Variants in NAP1L1 observed in about 807,000 individuals in gnomAD.
NAP1L1 encodes the protein nucleosome assembly protein 1-like 1.
A neutral mutation model predicts 58.9 loss-of-function variants in NAP1L1; 9 were observed. The ratio of observed to expected loss-of-function variants is 0.15; its 90% confidence interval spans 0.09 to 0.27. NAP1L1 has a LOEUF of 0.27. NAP1L1 is among the 10% of genes least tolerant of loss of function. NAP1L1 has a pLI of 1.00. For synonymous variants in NAP1L1, 130 were observed against 138.3 expected (o/e 0.94, Z 0.42); for missense variants, 302 against 458.8 (o/e 0.66, Z 3.12).
At position 76,050,662 on chromosome 12, in the gene NAP1L1, A is replaced by C; in HGVS notation, c.937-9T>G. 6.3e-7 allele frequency: 1 copy of C among 1,592,296 alleles called. No individual in the cohort carries two copies. The highest frequency in any genetic ancestry group is 8.5e-7 in the Non-Finnish European group (1 of 1,174,028). The stretch of plus-strand genomic sequence containing the variant: ...GCTTCAGCATCATCATCCTATTTTT[A>C]AAGGAAAACAAAAGCAGAAAATTTA... On this transcript the variant is annotated splice_polypyrimidine_tract_variant and intron_variant, in intron 11 of 14. Coordinates refer to ENST00000618691, the MANE Select transcript of NAP1L1 (RefSeq NM_004537.7).
intron 7 of NAP1L1, 44 bp downstream of exon 7, chr12:76,055,989 G>A (rs1444771718): frequency 1.3e-6 from 2 of 1,599,330 alleles, no homozygotes; most frequent in Non-Finnish European, 1.7e-6. Flanking sequence ...AACTTCAAAG[G>A]TTTACCCTTC....
At chr12:76,063,793 T>G (rs1449837521) in intron 4 of NAP1L1, among the ~76,000 whole-genome samples, 1 of 141,192 alleles carries the variant, frequency 7.1e-6, no homozygotes, top group Admixed American at 7.5e-5. Flanking sequence ...AGACACTGTA[T>G]CCAAAAAATA....
chr12:76,073,004 C>T (rs1407630932), intron 2 of NAP1L1, among the ~76,000 whole-genome samples: 2 of 152,024 alleles, frequency 1.3e-5, no homozygotes, highest in Non-Finnish European at 2.9e-5. Context: ...TAAAATAGAT[C>T]CAATGACAGC....
intron 6 of NAP1L1, chr12:76,058,177 A>G (rs1321328555): frequency 1.8e-6 from 1 of 565,918 alleles, no homozygotes; most frequent in Non-Finnish European, 3.3e-6. Context: ...AGATATGGCC[A>G]AAGGGAGAGA....
chr12:76,070,713 T>TG (rs1490538878), intron 2 of NAP1L1, among the ~76,000 whole-genome samples: 49 of 150,576 alleles, frequency 3.3e-4, no homozygotes, highest in African/African-American at 1.1e-3. Flanking sequence ...TATGGTGGAC[T>TG]GGTTCCAGGA....
At chr12:76,075,255 T>A (rs772289465) in intron 1 of NAP1L1, among the ~76,000 whole-genome samples, 1 of 152,096 alleles carries the variant, frequency 6.6e-6, no homozygotes, top group African/African-American at 2.4e-5. Context: ...GACAGGAAGA[T>A]CTTTTGAGCA....
chr12:76,074,156 A>C, intron 2 of NAP1L1, 47 bp downstream of exon 2: 1 of 1,444,342 alleles, frequency 6.9e-7, no homozygotes, highest in Non-Finnish European at 9.7e-7. Context: ...AACAGAGTAC[A>C]AAGTGATGCC....
rs1871082542 is a variant in NAP1L1, at chr12:76,037,719, T to TC, written c.*10709_*10710insG. 1 of 152,228 alleles carries TC rather than the reference T, an allele frequency of 6.6e-6. No individual in the cohort carries two copies. The highest frequency in any genetic ancestry group is 1.5e-5 in the Non-Finnish European group (1 of 68,054). The allele number at this position is 152,228 out of a possible 1,614,324, so 9.4% of individuals were successfully genotyped here. Reference sequence around the variant, plus strand: ...CAAATCCTCTGTAAACCTTTCATTCTTCAAAGCCCTATTCAAATCCCAGAT... The same window carrying TC: ...CAAATCCTCTGTAAACCTTTCATTCTCTCAAAGCCCTATTCAAATCCCAGAT... On this transcript the variant is annotated 3_prime_UTR_variant, in exon 15 of 15. Transcript: ENST00000618691.
intron 3 of NAP1L1, chr12:76,068,685 GCAAA>G: frequency 2.4e-6 from 1 of 425,382 alleles, no homozygotes; most frequent in Non-Finnish European, 4.2e-6. Flanking sequence ...AGTGCAGGAT[GCAAA>G]CAATGACTTC....
At chr12:76,062,527 A>C (rs998767477) in intron 4 of NAP1L1, among the ~76,000 whole-genome samples, 1 of 152,234 alleles carries the variant, frequency 6.6e-6, no homozygotes, top group African/African-American at 2.4e-5. Context: ...AAGAATGTAA[A>C]TATACTTAGA....
intron 1 of NAP1L1, among the ~76,000 whole-genome samples, chr12:76,078,990 T>TACAC: frequency 6.8e-6 from 1 of 148,044 alleles, no homozygotes; most frequent in African/African-American, 2.6e-5. Flanking sequence ...TCCATATATA[T>TACAC]ATATACACAC....
rs1948546831 is a variant in NAP1L1 at position 76,041,075 on chromosome 12, T to C, written c.*7354A>G. ...ATGAAAGAGCTAACTGTATACACAA[T>C]CCAGCTTTGTTTCATTGGTTTTCTC... On this transcript the variant is annotated 3_prime_UTR_variant, in exon 15 of 15. Coordinates refer to ENST00000618691, the MANE Select transcript of NAP1L1 (RefSeq NM_004537.7). 6.6e-6 allele frequency: 1 copy of C among 152,174 alleles called. No homozygotes were observed. The highest frequency in any genetic ancestry group is 6.5e-5 in the Admixed American group (1 of 15,280). The allele number at this position is 152,174 out of a possible 1,614,324, so 9.4% of individuals were successfully genotyped here. A position where few individuals can be genotyped will look rare whatever the true frequency, so the allele number is the denominator to read the frequency against.
At chr12:76,053,395 C>CA (rs1210999863) in intron 9 of NAP1L1, 45 bp from the exon 10 acceptor site, 1 of 1,581,092 alleles carries the variant, frequency 6.3e-7, no homozygotes, top group African/African-American at 1.4e-5. Flanking sequence ...GACAATCTTT[C>CA]AACTGCTAAA....
In NAP1L1 at chr12:76,076,286, G is replaced by C. The variant is rs376200626; in HGVS notation, c.-20-2047C>G. Among the ~76,000 whole-genome samples the C allele has an allele frequency of 8.2e-4, 125 of 152,158 alleles. 1 individual carries two copies. In the South Asian group the frequency reaches 0.018, roughly 21 times the overall value. On this transcript the variant is annotated intron_variant, in intron 1 of 14. Coordinates refer to ENST00000618691, the MANE Select transcript of NAP1L1 (RefSeq NM_004537.7). Reference sequence around the variant, plus strand: ...TTTCTTTCCACCATAAGATGTCTCAGTCTGTAATTATAAATTAGTTTGACC... The same window carrying C: ...TTTCTTTCCACCATAAGATGTCTCACTCTGTAATTATAAATTAGTTTGACC...
At chr12:76,065,258 A>T (rs1949608112) in intron 4 of NAP1L1, among the ~76,000 whole-genome samples, 1 of 152,044 alleles carries the variant, frequency 6.6e-6, no homozygotes, top group African/African-American at 2.4e-5. Context: ...AAAAAAAACC[A>T]AAGGTCAGAT....
rs751901529 is a variant in NAP1L1, at chr12:76,042,669, T to C, written c.*5760A>G. 7 of 152,198 alleles carry C rather than the reference T, an allele frequency of 4.6e-5. No individual in the cohort carries two copies. The highest frequency in any genetic ancestry group is 1.0e-4 in the Non-Finnish European group (7 of 68,042). 9.4% of individuals were successfully genotyped at this position (152,198 alleles called of 1,614,324 possible). ...TTTGATTCAACTTCAAAGTATCCAC[T>C]GTGCGTTCAGTTTTTATGATACATG... On this transcript the variant is annotated 3_prime_UTR_variant, in exon 15 of 15. Transcript: ENST00000618691.
At chr12:76,054,188 C>T (rs777870587) in intron 8 of NAP1L1, among the ~76,000 whole-genome samples, 8 of 152,108 alleles carry the variant, frequency 5.3e-5, no homozygotes, top group Non-Finnish European at 1.0e-4. Context: ...TGCCACCACA[C>T]CCAGTTAATT....
At position 76,037,820 on chromosome 12, in the gene NAP1L1, C is replaced by T. The variant is rs1245763686; in HGVS notation, c.*10609G>A. 1 of 152,234 alleles carries T rather than the reference C, an allele frequency of 6.6e-6. No homozygotes were observed. The highest frequency in any genetic ancestry group is 1.5e-5 in the Non-Finnish European group (1 of 68,046). The allele number at this position is 152,234 out of a possible 1,614,324, so 9.4% of individuals were successfully genotyped here. ...AGTTATCCAATTTTCACGTCTACTTCACTAAATATCCAAGATCCTGGATGA... is the reference window on the plus strand; with the variant it reads ...AGTTATCCAATTTTCACGTCTACTTTACTAAATATCCAAGATCCTGGATGA... On this transcript the variant is annotated 3_prime_UTR_variant, in exon 15 of 15. Coordinates refer to ENST00000618691, the MANE Select transcript of NAP1L1 (RefSeq NM_004537.7).
rs1369288470 is a variant in NAP1L1, at chr12:76,040,348, G to C, written c.*8081C>G. 6.6e-6 allele frequency: 1 copy of C among 151,958 alleles called. No homozygotes were observed. Among genetic ancestry groups the C allele is most frequent in the Non-Finnish European group, 1.5e-5 (1 of 68,012 alleles). 9.4% of individuals were successfully genotyped at this position (151,958 alleles called of 1,614,324 possible). On this transcript the variant is annotated 3_prime_UTR_variant, in exon 15 of 15. Coordinates refer to ENST00000618691, the MANE Select transcript of NAP1L1 (RefSeq NM_004537.7). ...TTAAAAAACAACTAAGTTGACTCTT[G>C]AATATCAAATTTGAACTAAGAGGGT...
Sources: allele counts gnomAD v4.1 joint callset (sites outside exome capture counted in the v4.1 genomes callset), GRCh38; gene constraint gnomAD v4.1.1; transcripts MANE v1.5; gene names NCBI Gene and HGNC (gene_info 2026-07-23, HGNC 2026-07-21).